LNPK: variants seen among roughly 807,000 people sequenced by gnomAD.
LNPK encodes the protein endoplasmic reticulum junction formation protein lunapark.
In LNPK, 29 loss-of-function variants were observed where a neutral mutation model predicts 55.2. That is an observed-to-expected ratio of 0.53 (90% CI 0.39 to 0.72). The LOEUF (loss-of-function observed/expected upper bound fraction) is 0.72. Among genes scored for constraint, LNPK ranks in the 30% least tolerant of loss-of-function variants. LNPK has a pLI of 0.00. For missense variants in LNPK, 467 were observed against 494.8 expected (o/e 0.94, Z 0.53); for synonymous variants, 162 against 168.2 (o/e 0.96, Z 0.29).
intron 4 of LNPK, among the ~76,000 whole-genome samples, chr2:175,983,952 AG>A (rs1350466440): frequency 6.6e-6 from 1 of 151,950 alleles, no homozygotes; most frequent in Non-Finnish European, 1.5e-5. Context: ...AAAAAATTTA[AG>A]GTATAGAAAA....
chr2:175,987,082 T>A (rs921385596), intron 4 of LNPK, among the ~76,000 whole-genome samples: 5 of 152,108 alleles, frequency 3.3e-5, no homozygotes, highest in Non-Finnish European at 7.3e-5. Context: ...AAAAAATTAT[T>A]ACAAACAATA....
At chr2:175,958,094 GGCCTGCCT>G (rs1254000794) in intron 8 of LNPK, among the ~76,000 whole-genome samples, 5 of 152,196 alleles carry the variant, frequency 3.3e-5, no homozygotes, top group African/African-American at 1.2e-4. Context: ...AGCTCAACCA[GGCCTGCCT>G]GCCTCTGTAG....
chr2:175,979,929 A>G, intron 4 of LNPK, 61 bp from the exon 5 acceptor site: 1 of 1,423,006 alleles, frequency 7.0e-7, no homozygotes. Flanking sequence ...ATTAGAAGCC[A>G]TGTAAAATGA....
rs1354824879 is a variant in LNPK at position 175,937,508 on chromosome 2, C to T, written c.890G>A (p.Arg297Gln). 11 of 1,606,324 alleles carry T rather than the reference C, an allele frequency of 6.8e-6. No homozygotes were observed. Among genetic ancestry groups the T allele is most frequent in the African/African-American group, 1.3e-5 (1 of 74,454 alleles). Residue 297 changes from arginine (R) to glutamine (Q), a missense_variant, in exon 12 of 13, where the codon CGA becomes CAA. By Grantham distance (43) the Arg-to-Gln change is conservative. Transcript: ENST00000272748. ...GTTCAAGAAAAAACAGTAGGCACAT[C>T]GAAAAGCTGCAGAGAATTTTTTAAA... ...LKEEFEYIAF[R>Q]CAYCFFLNPA...
intron 4 of LNPK, among the ~76,000 whole-genome samples, chr2:175,988,495 G>C (rs1179344408): frequency 2.5e-5 from 3 of 120,954 alleles, no homozygotes; most frequent in African/African-American, 9.4e-5. Flanking sequence ...CTGGGCAACA[G>C]AGTAAGACTC....
intron 8 of LNPK, among the ~76,000 whole-genome samples, chr2:175,956,177 G>T (rs1685685337): frequency 6.6e-6 from 1 of 151,746 alleles, no homozygotes; most frequent in Non-Finnish European, 1.5e-5. Flanking sequence ...CTACTCAGGA[G>T]GCTGAGGTGG....
chr2:175,985,361 T>G (rs1404080028), intron 4 of LNPK, among the ~76,000 whole-genome samples: 1 of 152,232 alleles, frequency 6.6e-6, no homozygotes, highest in African/African-American at 2.4e-5. Flanking sequence ...ATAAAACTGA[T>G]GAACTCTGAA....
Position 175,938,307 on chromosome 2 carries a change from T to G in LNPK, c.883+6A>C. 1 of 1,542,240 alleles carries G rather than the reference T, an allele frequency of 6.5e-7. No homozygotes were observed. Among genetic ancestry groups the G allele is most frequent in the Non-Finnish European group, 8.9e-7 (1 of 1,120,194 alleles). On this transcript the variant is annotated splice_donor_region_variant and intron_variant, in intron 11 of 12. Transcript: ENST00000272748. ...TATTTAAATCTCATTGCCCAATAATTCTTACCAATGTATTCAAATTCTTCC... is the reference window on the plus strand; with the variant it reads ...TATTTAAATCTCATTGCCCAATAATGCTTACCAATGTATTCAAATTCTTCC...
Position 175,925,115 on chromosome 2 carries a change from A to C in LNPK, c.*4852T>G, listed in dbSNP as rs920493912. 2 of 152,170 alleles carry C rather than the reference A, an allele frequency of 1.3e-5. No individual in the cohort carries two copies. Among genetic ancestry groups the C allele is most frequent in the African/African-American group, 4.8e-5 (2 of 41,442 alleles). 9.4% of individuals were successfully genotyped at this position (152,170 alleles called of 1,614,324 possible). On this transcript the variant is annotated 3_prime_UTR_variant, in exon 13 of 13. Coordinates refer to ENST00000272748, the MANE Select transcript of LNPK (RefSeq NM_030650.3). ...GAAACTCAGCATACTATATTTTATG[A>C]AAATCATCATATAATCAGAATATCT...
At chr2:175,997,596 C>CA (rs1687987684) in intron 1 of LNPK, among the ~76,000 whole-genome samples, 1 of 152,100 alleles carries the variant, frequency 6.6e-6, no homozygotes, top group African/African-American at 2.4e-5. Context: ...CTAACCATCA[C>CA]ACCCTAAGAC....
At chr2:175,983,796 T>G (rs1408588847) in intron 4 of LNPK, among the ~76,000 whole-genome samples, 1 of 151,320 alleles carries the variant, frequency 6.6e-6, no homozygotes, top group Non-Finnish European at 1.5e-5. Flanking sequence ...AAAGTCACAT[T>G]ATAAAGTTAA....
intron 1 of LNPK, among the ~76,000 whole-genome samples, chr2:175,999,516 G>T (rs1444840039): frequency 2.0e-5 from 3 of 152,192 alleles, no homozygotes; most frequent in South Asian, 2.1e-4. Context: ...TGCTGTAGTT[G>T]TAGCTATTTT....
At chr2:175,977,921 G>T (rs375691693) in intron 5 of LNPK, among the ~76,000 whole-genome samples, 4 of 107,746 alleles carry the variant, frequency 3.7e-5, no homozygotes, top group African/African-American at 1.3e-4. Context: ...CAAAAGAGAT[G>T]ATAACTACAG....
intron 8 of LNPK, among the ~76,000 whole-genome samples, chr2:175,950,977 G>A (rs747160672): frequency 1.3e-5 from 2 of 152,006 alleles, no homozygotes; most frequent in Non-Finnish European, 2.9e-5. Context: ...TATTTGTGAA[G>A]TCATTTACAT....
In LNPK at chr2:175,992,416, T is replaced by C. The variant is rs1687747198; in HGVS notation, c.72A>G (p.Glu24=). ...TVEVLESIDK[E]IQALEEFREK... is the part of the protein sequence containing the mutation. ...CCCTAAATTCTTCCAATGCTTGAAT[T>C]TCCTGTTAAGAGAAAATTATTCCAT... The change falls in exon 4 of 13, where the codon GAA becomes GAG. Residue 24 remains glutamate (E), a splice_region_variant and synonymous_variant. Transcript: ENST00000272748. 2 of 1,496,902 alleles carry C rather than the reference T, an allele frequency of 1.3e-6. No homozygotes were observed. Among genetic ancestry groups the C allele is most frequent in the Non-Finnish European group, 1.8e-6 (2 of 1,123,850 alleles). The allele number at this position is 1,496,902 out of a possible 1,614,324, so 92.7% of individuals were successfully genotyped here.
At chr2:175,997,576 T>C (rs1687986674) in intron 1 of LNPK, among the ~76,000 whole-genome samples, 1 of 152,180 alleles carries the variant, frequency 6.6e-6, no homozygotes. Context: ...TATCCTTCAA[T>C]GTCAAGTTTC....
In LNPK at chr2:175,983,142, G is replaced by T. The variant is rs149155128; in HGVS notation, c.258-3274C>A. Among the ~76,000 whole-genome samples the T allele has an allele frequency of 2.8e-3, 425 of 152,268 alleles. 1 individual carries two copies. The highest frequency in any genetic ancestry group is 4.7e-3 in the Non-Finnish European group (317 of 68,026). ...AGTGTAAAACTTAAAACCCATGTTT[G>T]TAACAATGAGAACAAGATGCACAGC... On this transcript the variant is annotated intron_variant, in intron 4 of 12. Transcript: ENST00000272748.
chr2:175,989,468 C>G (rs1355217615), intron 4 of LNPK, among the ~76,000 whole-genome samples: 2 of 151,930 alleles, frequency 1.3e-5, no homozygotes, highest in African/African-American at 4.8e-5. Context: ...AATAAGGTAT[C>G]CGAAAGTAAA....
intron 4 of LNPK, among the ~76,000 whole-genome samples, chr2:175,986,113 C>T (rs573592103): frequency 1.3e-5 from 2 of 152,076 alleles, no homozygotes; most frequent in Admixed American, 6.5e-5. Flanking sequence ...AGAAGAAATA[C>T]GGGGAAAAGC....
Sources: allele counts gnomAD v4.1 joint callset (sites outside exome capture counted in the v4.1 genomes callset), GRCh38; gene constraint gnomAD v4.1.1; transcripts MANE v1.5; gene names NCBI Gene and HGNC (gene_info 2026-07-23, HGNC 2026-07-21).